PTK2: variants seen among roughly 807,000 people sequenced by gnomAD.
PTK2 encodes protein tyrosine kinase 2, also known as focal adhesion kinase 1.
In PTK2, 45 loss-of-function variants were observed where a neutral mutation model predicts 150.1. That is an observed-to-expected ratio of 0.30 (90% CI 0.24 to 0.38). The LOEUF is 0.38. PTK2 is among the 10% of genes least tolerant of loss of function. The pLI, the probability that PTK2 is intolerant of heterozygous loss-of-function variation, is 1.00. For synonymous variants in PTK2, 432 were observed against 449.2 expected, an observed-to-expected ratio of 0.96 and a Z score of 0.48; for missense variants, 919 against 1,307.3, an observed-to-expected ratio of 0.70 and a Z score of 4.58.
intron 16 of PTK2, among the ~76,000 whole-genome samples, chr8:140,755,746 G>A (rs1377516788): frequency 6.6e-6 from 1 of 152,118 alleles, no homozygotes; most frequent in Non-Finnish European, 1.5e-5. Context: ...AACAGTAGCT[G>A]TCACAGAGCA....
At chr8:140,845,751 T>G (rs562402920) in intron 7 of PTK2, among the ~76,000 whole-genome samples, 1 of 152,312 alleles carries the variant, frequency 6.6e-6, no homozygotes, top group South Asian at 2.1e-4. Flanking sequence ...AGATGAAGTA[T>G]AGGGTTTCTA....
intron 22 of PTK2, among the ~76,000 whole-genome samples, chr8:140,725,181 T>A (rs2100045020): frequency 6.6e-6 from 1 of 152,220 alleles, no homozygotes; most frequent in African/African-American, 2.4e-5. Context: ...TCACCCAGGC[T>A]GGAGTGCAGT....
intron 22 of PTK2, among the ~76,000 whole-genome samples, chr8:140,734,168 T>C (rs1332126778): frequency 6.6e-6 from 1 of 152,152 alleles, no homozygotes; most frequent in African/African-American, 2.4e-5. Flanking sequence ...GACCCTGCAG[T>C]TGATGATTTT....
intron 14 of PTK2, among the ~76,000 whole-genome samples, chr8:140,782,601 C>T (rs2100082463): frequency 6.6e-6 from 1 of 151,784 alleles, no homozygotes; most frequent in South Asian, 2.1e-4. Flanking sequence ...AAAAAATGAA[C>T]TACTTATATA....
intron 26 of PTK2, among the ~76,000 whole-genome samples, chr8:140,688,020 T>C (rs1017188267): frequency 2.0e-5 from 3 of 152,324 alleles, no homozygotes; most frequent in East Asian, 1.9e-4. Flanking sequence ...CTCTGGCTGA[T>C]TGTTGTTAAC....
chr8:140,921,111 A>G, intron 2 of PTK2: 6 of 1,292,472 alleles, frequency 4.6e-6, no homozygotes, highest in Non-Finnish European at 5.9e-6. Flanking sequence ...TCAGTTACAG[A>G]ATCTTCTCAT....
intron 22 of PTK2, among the ~76,000 whole-genome samples, chr8:140,723,048 C>T (rs76582251): frequency 2.6e-5 from 4 of 152,182 alleles, no homozygotes; most frequent in African/African-American, 9.7e-5. Flanking sequence ...GAGTCCCTTG[C>T]CACAAGAAGA....
At chr8:140,850,678 C>T (rs1472353698) in intron 5 of PTK2, among the ~76,000 whole-genome samples, 4 of 151,910 alleles carry the variant, frequency 2.6e-5, no homozygotes, top group African/African-American at 7.3e-5. Context: ...TGCAGTGAGC[C>T]GTGATCGTGT....
chr8:140,772,835 G>A lies in PTK2; in HGVS notation c.1178-8545C>T, dbSNP rs117337043. On this transcript the variant is annotated intron_variant, in intron 14 of 31. Transcript: ENST00000522684. Reference sequence around the variant, plus strand: ...CTATTCTTACAACTATTCTCCAAGCGTAAAGTTACAGAAAAATAAAAGATA... The same window carrying A: ...CTATTCTTACAACTATTCTCCAAGCATAAAGTTACAGAAAAATAAAAGATA... Among the ~76,000 whole-genome samples, 81 of 152,260 alleles carry A rather than the reference G, an allele frequency of 5.3e-4. 2 individuals are homozygous for A. In the East Asian group the frequency reaches 0.013, roughly 25 times the overall value.
intron 1 of PTK2, among the ~76,000 whole-genome samples, chr8:140,992,135 T>C (rs898108923): frequency 6.6e-6 from 1 of 151,534 alleles, no homozygotes; most frequent in Non-Finnish European, 1.5e-5. Context: ...CTACCAAAAA[T>C]ACAAAAATTG....
intron 18 of PTK2, among the ~76,000 whole-genome samples, chr8:140,745,827 C>T (rs1239488435): frequency 1.3e-5 from 2 of 151,990 alleles, no homozygotes; most frequent in Non-Finnish European, 2.9e-5. Flanking sequence ...TGGTGAAACC[C>T]TGTCTCCATT....
rs869199304 is a variant in PTK2, at chr8:140,676,765, T to TAAAAA, written c.2563-1271_2563-1267dup. On this transcript the variant is annotated intron_variant, in intron 27 of 31. Transcript: ENST00000522684. ...ACATGGTGAAACCCCGTCTCTACTT[T>TAAAAA]AAAAAAAAAAAAAAAAAAAAAAAAT... is the stretch of plus-strand genomic sequence containing the variant. 4.1e-4 allele frequency among the ~76,000 whole-genome samples: 23 copies of TAAAAA among 55,570 alleles called. 2 individuals are homozygous for TAAAAA. The highest frequency in any genetic ancestry group is 1.6e-3 in the African/African-American group (19 of 11,746). The allele number at this position is 55,570 out of a possible 152,430, so 36.5% of individuals were successfully genotyped here.
Position 140,676,413 on chromosome 8 carries a change from A to AATTAATTAAT in PTK2, c.2563-915_2563-914insATTAATTAAT, listed in dbSNP as rs1554666251. Among the ~76,000 whole-genome samples, 225 of 99,432 alleles carry AATTAATTAAT rather than the reference A, an allele frequency of 2.3e-3. 2 individuals are homozygous for AATTAATTAAT. Among genetic ancestry groups the AATTAATTAAT allele is most frequent in the South Asian group, 0.012 (38 of 3,278 alleles). 65.2% of individuals were successfully genotyped at this position (99,432 alleles called of 152,430 possible). ...TAATTAATTAATTAATTAATTAATT[A>AATTAATTAAT]ATATATATATTCCTGTCTTTTGCAG... is the stretch of plus-strand genomic sequence containing the variant. On this transcript the variant is annotated intron_variant, in intron 27 of 31. Coordinates refer to ENST00000522684, the Ensembl canonical transcript of PTK2.
chr8:140,959,398 G>A (rs904138038), intron 1 of PTK2, among the ~76,000 whole-genome samples: 3 of 151,164 alleles, frequency 2.0e-5, no homozygotes, highest in African/African-American at 4.9e-5. Flanking sequence ...AATTAGCCAC[G>A]CATGGTGGCG....
chr8:140,741,072 A>C (rs1432987685), intron 20 of PTK2, among the ~76,000 whole-genome samples: 1 of 151,918 alleles, frequency 6.6e-6, no homozygotes, highest in Admixed American at 6.6e-5. Flanking sequence ...TGAGCCCAGG[A>C]GGTTGAGGCT....
chr8:140,986,085 C>T (rs1028720750), intron 1 of PTK2, among the ~76,000 whole-genome samples: 9 of 152,232 alleles, frequency 5.9e-5, no homozygotes, highest in African/African-American at 2.2e-4. Flanking sequence ...CAAGCCATAT[C>T]TATCCACTAG....
At chr8:140,930,391 G>C (rs1603344943) in intron 1 of PTK2, among the ~76,000 whole-genome samples, 1 of 152,102 alleles carries the variant, frequency 6.6e-6, no homozygotes, top group African/African-American at 2.4e-5. Flanking sequence ...GTTCCAATGT[G>C]CCACACTCTC....
At chr8:140,765,526 C>A (rs547107146) in intron 14 of PTK2, among the ~76,000 whole-genome samples, 1 of 152,182 alleles carries the variant, frequency 6.6e-6, no homozygotes, top group African/African-American at 2.4e-5. Flanking sequence ...TAAATCAATT[C>A]TCTTTAAGAC....
chr8:140,882,712 T>C (rs1441347056), intron 3 of PTK2, among the ~76,000 whole-genome samples: 1 of 152,210 alleles, frequency 6.6e-6, no homozygotes, highest in African/African-American at 2.4e-5. Context: ...AAGATTTCCT[T>C]GTTCTGAGGG....
Sources: gnomAD v4.1 joint callset for allele counts (sites outside exome capture counted in the v4.1 genomes callset) on GRCh38, gnomAD v4.1.1 for gene constraint, MANE v1.5 for transcripts, NCBI Gene and HGNC (gene_info 2026-07-23, HGNC 2026-07-21) for gene names.